LRRC63: variants seen among roughly 807,000 people sequenced by gnomAD.
LRRC63 encodes leucine-rich repeat-containing protein 63.
A neutral mutation model predicts 49.5 loss-of-function variants in LRRC63; 40 were observed. The ratio of observed to expected loss-of-function variants is 0.81; its 90% CI spans 0.63 to 1.05. LRRC63 has a LOEUF of 1.05. Among genes scored for constraint, LRRC63 ranks in the 50% least tolerant of loss-of-function variants. The probability of loss-of-function intolerance (pLI) is 0.00; values close to 1 mark genes in which losing one functional copy is unlikely to be tolerated. For synonymous variants in LRRC63, 191 were observed against 221.1 expected (o/e 0.86, Z 1.21); for missense variants, 636 against 663.1 (o/e 0.96, Z 0.45).
rs568086801 is a variant in LRRC63, at chr13:46,260,468, T to C, written c.1227-1441T>C. 8.5e-5 allele frequency among the ~76,000 whole-genome samples: 13 copies of C among 152,302 alleles called. No homozygotes were observed. In the South Asian group the frequency reaches 2.7e-3, roughly 32 times the overall value. On this transcript the variant is annotated intron_variant, in intron 7 of 9. Transcript: ENST00000595396. Reference sequence around the variant, plus strand: ...GTTATGATTTACTCAGCACTTACGATGTACTAGACAGCATGTAAGGCACTG... The same window carrying C: ...GTTATGATTTACTCAGCACTTACGACGTACTAGACAGCATGTAAGGCACTG...
intron 5 of LRRC63, among the ~76,000 whole-genome samples, chr13:46,234,884 A>G (rs1339051554): frequency 6.6e-6 from 1 of 152,184 alleles, no homozygotes; most frequent in Non-Finnish European, 1.5e-5. Flanking sequence ...TTGAACCCAG[A>G]ACTTTCTGGC....
chr13:46,218,944 G>T (rs2046329716), intron 2 of LRRC63, among the ~76,000 whole-genome samples: 2 of 152,132 alleles, frequency 1.3e-5, no homozygotes, highest in Non-Finnish European at 2.9e-5. Context: ...CTCTCTTCTG[G>T]TTTGTAGCGT....
At chr13:46,254,271 G>C (rs1321061016) in intron 7 of LRRC63, among the ~76,000 whole-genome samples, 1 of 152,130 alleles carries the variant, frequency 6.6e-6, no homozygotes, top group Admixed American at 6.6e-5. Flanking sequence ...AAGCTATAGA[G>C]AAAGTGGGAT....
chr13:46,261,990 C>G, exon 8 of LRRC63: 2 of 1,115,786 alleles, frequency 1.8e-6, no homozygotes, highest in Non-Finnish European at 2.3e-6. Flanking sequence ...TTCAGAAACT[C>G]AGGTATTTTG....
rs1034249149 is a variant in LRRC63 at position 46,250,981 on chromosome 13, T to G, written c.1226+490T>G. On this transcript the variant is annotated intron_variant, in intron 7 of 9. Transcript: ENST00000595396. ...GACCCTTTCAACTCCATAAGAATGC[T>G]GATATTTGGACATAAAAGAGATGGG... Among the ~76,000 whole-genome samples the G allele has an allele frequency of 3.3e-5, 5 of 151,930 alleles. No individual in the cohort carries two copies. In the East Asian group the frequency reaches 5.8e-4, roughly 18 times the overall value.
intron 9 of LRRC63, among the ~76,000 whole-genome samples, chr13:46,274,005 G>T (rs1431808809): frequency 6.6e-6 from 1 of 151,978 alleles, no homozygotes; most frequent in African/African-American, 2.4e-5. Flanking sequence ...TGCATTGGAA[G>T]TTTTTTTCTT....
intron 5 of LRRC63, among the ~76,000 whole-genome samples, chr13:46,236,447 A>C (rs1289435779): frequency 4.6e-5 from 7 of 152,166 alleles, no homozygotes; most frequent in Non-Finnish European, 7.4e-5. Context: ...TGTCATGTAC[A>C]AGGGCTCTAC....
At chr13:46,224,510 TCTAA>T (rs2046511219) in intron 2 of LRRC63, among the ~76,000 whole-genome samples, 1 of 152,212 alleles carries the variant, frequency 6.6e-6, no homozygotes, top group Admixed American at 6.5e-5. Flanking sequence ...TTCTCTTGTA[TCTAA>T]CTGAGCTTCT....
exon 9 of LRRC63, chr13:46,266,972 G>A (rs898226802): frequency 6.6e-7 from 1 of 1,525,550 alleles, no homozygotes; most frequent in African/African-American, 1.4e-5. Flanking sequence ...TTACTAAAAT[G>A]GTGAGCAAAT....
At chr13:46,270,368 C>A in intron 9 of LRRC63, 1 of 867,794 alleles carries the variant, frequency 1.2e-6, no homozygotes, top group Non-Finnish European at 2.0e-6. Flanking sequence ...ACTTGCACCT[C>A]TCTGTAAGAT....
chr13:46,227,896 C>A, exon 3 of LRRC63: 1 of 1,550,546 alleles, frequency 6.4e-7, no homozygotes, highest in Non-Finnish European at 8.7e-7. Flanking sequence ...TCCAAGTTTT[C>A]CAAACCTAAA....
Position 46,227,360 on chromosome 13 carries a change from A to T in LRRC63, c.86-152A>T, listed in dbSNP as rs533587929. Among the ~76,000 whole-genome samples the T allele has an allele frequency of 2.1e-4, 32 of 152,354 alleles. No homozygotes were observed. In the South Asian group the frequency reaches 2.9e-3, roughly 14 times the overall value. On this transcript the variant is annotated intron_variant, in intron 2 of 9. Transcript: ENST00000595396. ...CTCAAACTTTATACCAGTCATGTCA[A>T]CACACATCCTGGTAGCTGAGCAAGT...
At chr13:46,263,251 A>G (rs1361952872) in intron 8 of LRRC63, among the ~76,000 whole-genome samples, 1 of 152,088 alleles carries the variant, frequency 6.6e-6, no homozygotes, top group African/African-American at 2.4e-5. Flanking sequence ...ATCATAGCTC[A>G]CTACGGCCTT....
At chr13:46,270,190 A>G (rs2047737071) in intron 9 of LRRC63, 1 of 779,268 alleles carries the variant, frequency 1.3e-6, no homozygotes, top group Non-Finnish European at 2.4e-6. Context: ...ACCACTGTAT[A>G]CCACAGCACT....
At chr13:46,246,198 A>G (rs924311328) in intron 5 of LRRC63, among the ~76,000 whole-genome samples, 3 of 152,178 alleles carry the variant, frequency 2.0e-5, no homozygotes, top group Admixed American at 6.5e-5. Flanking sequence ...AGCTGAGCAG[A>G]TGCTGCCATG....
exon 6 of LRRC63, chr13:46,246,528 G>C: frequency 7.0e-7 from 1 of 1,430,206 alleles, no homozygotes; most frequent in Non-Finnish European, 9.2e-7. Context: ...TTCTTTTAGG[G>C]CTTTTTTATC....
chr13:46,234,444 G>A, intron 5 of LRRC63, 95 bp downstream of exon 5: 3 of 1,200,690 alleles, frequency 2.5e-6, no homozygotes, highest in Non-Finnish European at 3.4e-6. Flanking sequence ...TGGTATTGAG[G>A]GGAATTTTCC....
intron 8 of LRRC63, among the ~76,000 whole-genome samples, chr13:46,266,480 T>A (rs1403217546): frequency 6.6e-6 from 1 of 152,242 alleles, no homozygotes; most frequent in Non-Finnish European, 1.5e-5. Flanking sequence ...TCCATAGTGA[T>A]GACATATTGC....
intron 7 of LRRC63, among the ~76,000 whole-genome samples, chr13:46,259,332 C>T (rs1413000703): frequency 7.0e-6 from 1 of 142,458 alleles, no homozygotes; most frequent in African/African-American, 2.5e-5. Context: ...GGGTGAAGGA[C>T]AGAGACATGT....
Sources: allele counts gnomAD v4.1 joint callset (sites outside exome capture counted in the v4.1 genomes callset), GRCh38; gene constraint gnomAD v4.1.1; transcripts MANE v1.5; gene names NCBI Gene and HGNC (gene_info 2026-07-23, HGNC 2026-07-21).